Variants in MKLN1 observed in about 807,000 individuals in gnomAD.
The protein encoded by MKLN1 is muskelin 1.
Under a neutral mutation model 99.0 loss-of-function variants are expected in MKLN1, and 18 were observed. The observed-to-expected ratio is 0.18, with a 90% CI of 0.13 to 0.27. The LOEUF is 0.27. Ranked by LOEUF, MKLN1 falls within the 10% of genes least tolerant of loss-of-function variation. The pLI, the probability that MKLN1 is intolerant of heterozygous loss-of-function variation, is 1.00. For synonymous variants in MKLN1, 288 were observed against 293.2 expected, an observed-to-expected ratio of 0.98 and a Z score of 0.18; for missense variants, 621 against 875.9, an observed-to-expected ratio of 0.71 and a Z score of 3.67.
In MKLN1 at chr7:131,196,277, C is replaced by A. The variant is rs114475392; in HGVS notation, c.-296-6580C>A. Among the ~76,000 whole-genome samples, 763 of 152,212 alleles carry A rather than the reference C, an allele frequency of 5.0e-3. 8 individuals are homozygous for A. The highest frequency in any genetic ancestry group is 0.018 in the African/African-American group (729 of 41,526). ...CAGGATGTCTGTGGAAATGTGGGTTCCTCTTTAGAAGGCAATATAAGAAAA... is the reference window on the plus strand; with the variant it reads ...CAGGATGTCTGTGGAAATGTGGGTTACTCTTTAGAAGGCAATATAAGAAAA... On this transcript the variant is annotated intron_variant, in intron 2 of 7. Transcript: ENST00000416992.
chr7:131,113,131 CA>C (rs1795222238), intron 1 of MKLN1, among the ~76,000 whole-genome samples: 1 of 152,200 alleles, frequency 6.6e-6, no homozygotes, highest in Non-Finnish European at 1.5e-5. Context: ...ATGATATCAA[CA>C]GGGGAGCTCA....
At chr7:131,195,257 T>C (rs1563248789) in intron 2 of MKLN1, among the ~76,000 whole-genome samples, 1 of 152,138 alleles carries the variant, frequency 6.6e-6, no homozygotes, top group Non-Finnish European at 1.5e-5. Flanking sequence ...ATGGCTGTAA[T>C]CCCAGCATTT....
intron 16 of MKLN1, among the ~76,000 whole-genome samples, chr7:131,474,135 G>A (rs958909609): frequency 6.6e-6 from 1 of 152,172 alleles, no homozygotes; most frequent in African/African-American, 2.4e-5. Context: ...GGGCAACAAG[G>A]AGTTACTGTA....
chr7:131,486,736 T>G (rs1797292396), intron 17 of MKLN1, among the ~76,000 whole-genome samples: 2 of 152,124 alleles, frequency 1.3e-5, no homozygotes, highest in South Asian at 2.1e-4. Flanking sequence ...CACTTAAATA[T>G]CTCATTTGTA....
Position 131,393,878 on chromosome 7 carries a change from T to C in MKLN1, c.401-3389T>C, listed in dbSNP as rs191416896. On this transcript the variant is annotated intron_variant, in intron 4 of 17. Transcript: ENST00000352689. ...TGGGCTCAAATGATCCTCTTGCTTC[T>C]GCCTCCCAAAGTGTTGGGATTACAG... Among the ~76,000 whole-genome samples the C allele has an allele frequency of 2.0e-5, 3 of 152,238 alleles. No homozygotes were observed. In the East Asian group the frequency reaches 5.8e-4, roughly 29 times the overall value.
intron 3 of MKLN1, among the ~76,000 whole-genome samples, chr7:131,266,819 G>T (rs2116548552): frequency 6.6e-6 from 1 of 151,786 alleles, no homozygotes; most frequent in East Asian, 1.9e-4. Flanking sequence ...TACCAGGTCT[G>T]CAAGTTTATG....
chr7:131,373,124 G>A (rs1184365623), intron 1 of MKLN1, among the ~76,000 whole-genome samples: 1 of 151,880 alleles, frequency 6.6e-6, no homozygotes, highest in Non-Finnish European at 1.5e-5. Context: ...TTTTTCTCCT[G>A]AAAAGTTACA....
chr7:131,429,098 G>A lies in MKLN1; in HGVS notation c.913G>A (p.Val305Met). Residue 305 changes from valine (V) to methionine (M), a missense_variant, in exon 9 of 18, where the codon GTG becomes ATG. Around this residue, in one of 8 missense-constraint regions of MKLN1, gnomAD observed 361 missense variants for 540.8 expected, o/e 0.67. Coordinates refer to ENST00000352689, the MANE Select transcript of MKLN1 (RefSeq NM_013255.5). ...TCTTGCTGACTTCTGGGCGTACAGT[G>A]TGAAGGAGAACCAGTGGACATGTAT... ...QDLADFWAYSVKENQWTCISR... is the reference protein window; with the variant it reads ...QDLADFWAYSMKENQWTCISR... 6.2e-7 allele frequency: 1 copy of A among 1,613,978 alleles called. No individual in the cohort carries two copies. The highest frequency in any genetic ancestry group is 8.5e-7 in the Non-Finnish European group (1 of 1,179,956).
At chr7:131,244,603 T>A (rs1797457072) in intron 3 of MKLN1, among the ~76,000 whole-genome samples, 1 of 152,162 alleles carries the variant, frequency 6.6e-6, no homozygotes, top group South Asian at 2.1e-4. Context: ...GAAGGTGGGT[T>A]GCTACTAGGA....
At chr7:131,182,908 T>G (rs543603666) in intron 2 of MKLN1, among the ~76,000 whole-genome samples, 3 of 152,324 alleles carry the variant, frequency 2.0e-5, no homozygotes, top group South Asian at 4.1e-4. Flanking sequence ...GCATTGATCT[T>G]GACAAATTCT....
chr7:131,465,163 A>G (rs1162249423), intron 14 of MKLN1, among the ~76,000 whole-genome samples: 2 of 152,160 alleles, frequency 1.3e-5, no homozygotes, highest in African/African-American at 4.8e-5. Context: ...TATAACACCA[A>G]TGAATATAAA....
chr7:131,184,464 G>C (rs550429498), intron 2 of MKLN1, among the ~76,000 whole-genome samples: 3 of 152,092 alleles, frequency 2.0e-5, no homozygotes, highest in African/African-American at 7.2e-5. Flanking sequence ...TCCCTGCTGA[G>C]TGGCATGTTG....
In MKLN1 at chr7:131,284,891, C is replaced by G. The variant is rs116714768; in HGVS notation, c.-179+81917C>G. 2.3e-3 allele frequency among the ~76,000 whole-genome samples: 357 copies of G among 152,280 alleles called. 3 individuals are homozygous for G. Among genetic ancestry groups the G allele is most frequent in the African/African-American group, 8.2e-3 (340 of 41,540 alleles). Reference sequence around the variant, plus strand: ...AAAGGCAGTGGAAAGAGTGACCAGCCAGCAGGCTCCAGCAGGCTAGAACGC... The same window carrying G: ...AAAGGCAGTGGAAAGAGTGACCAGCGAGCAGGCTCCAGCAGGCTAGAACGC... On this transcript the variant is annotated intron_variant, in intron 3 of 7. Transcript: ENST00000416992.
intron 3 of MKLN1, among the ~76,000 whole-genome samples, chr7:131,387,735 C>T (rs1437670335): frequency 2.6e-5 from 4 of 152,154 alleles, no homozygotes; most frequent in Admixed American, 6.5e-5. Flanking sequence ...AAGCACAGTG[C>T]CTGTCACTTG....
intron 12 of MKLN1, among the ~76,000 whole-genome samples, chr7:131,458,298 A>G (rs1303629806): frequency 4.6e-5 from 7 of 152,228 alleles, no homozygotes; most frequent in Non-Finnish European, 1.0e-4. Context: ...TATTTGCCTT[A>G]GCACATTTGC....
intron 16 of MKLN1, chr7:131,471,887 A>G (rs562800203): frequency 6.6e-6 from 1 of 152,342 alleles, no homozygotes; most frequent in East Asian, 1.9e-4. Flanking sequence ...TAGAGGCTGC[A>G]TGTCTTCAGC....
At chr7:131,443,193 A>G (rs946406410) in intron 10 of MKLN1, among the ~76,000 whole-genome samples, 4 of 152,258 alleles carry the variant, frequency 2.6e-5, no homozygotes, top group Admixed American at 1.3e-4. Context: ...TCACTCTTAC[A>G]TATAAATCAA....
chr7:131,429,183 AGG>A, intron 9 of MKLN1, 38 bp downstream of exon 9: 1 of 1,381,220 alleles, frequency 7.2e-7, no homozygotes, highest in Non-Finnish European at 1.0e-6. Context: ...ATATTACAGA[AGG>A]GGCGTAGATG....
chr7:131,182,772 T>G (rs1424512734), intron 2 of MKLN1, among the ~76,000 whole-genome samples: 1 of 152,252 alleles, frequency 6.6e-6, no homozygotes, highest in African/African-American at 2.4e-5. Context: ...AGCAATGATC[T>G]GCCACTCTCA....
Sources: gnomAD v4.1 joint callset for allele counts (sites outside exome capture counted in the v4.1 genomes callset) on GRCh38, gnomAD v4.1.1 for gene constraint, gnomAD v4.1.1 regional missense constraint, MANE v1.5 for transcripts, NCBI Gene and HGNC (gene_info 2026-07-23, HGNC 2026-07-21) for gene names.